Variants in CEP135 observed in about 807,000 individuals in gnomAD.
CEP135 encodes centrosomal protein 135, also known as centrosomal protein of 135 kDa.
A neutral mutation model predicts 157.3 loss-of-function variants in CEP135; 142 were observed. The observed-to-expected ratio is 0.90, with a 90% CI of 0.79 to 1.04. CEP135 has a LOEUF of 1.04. Ranked by LOEUF, CEP135 falls within the 50% of genes least tolerant of loss-of-function variation. The pLI, the probability that CEP135 is intolerant of heterozygous loss-of-function variation, is 0.00. For synonymous variants in CEP135, 396 were observed against 439.8 expected (o/e 0.90, Z 1.25); for missense variants, 1,317 against 1,309.2 (o/e 1.01, Z -0.09).
intron 6 of CEP135, among the ~76,000 whole-genome samples, chr4:55,962,251 C>G (rs960023521): frequency 6.6e-6 from 1 of 152,144 alleles, no homozygotes; most frequent in Non-Finnish European, 1.5e-5. Flanking sequence ...AGGCACCCAC[C>G]ACCACACCCG....
At chr4:56,017,977 T>G (rs559246234) in intron 22 of CEP135, 120 bp downstream of exon 22, 28 of 869,854 alleles carry the variant, frequency 3.2e-5, no homozygotes, top group Admixed American at 1.5e-4. Context: ...ACTTTTTTTT[T>G]TGTGATGGAG....
At chr4:55,950,574 C>G (rs1728333205) in intron 1 of CEP135, among the ~76,000 whole-genome samples, 1 of 151,252 alleles carries the variant, frequency 6.6e-6, no homozygotes, top group African/African-American at 2.4e-5. Flanking sequence ...ACCTTGAGCT[C>G]AGGAGTTGGA....
At chr4:56,003,530 A>G (rs943196235) in intron 17 of CEP135, among the ~76,000 whole-genome samples, 7 of 151,926 alleles carry the variant, frequency 4.6e-5, no homozygotes, top group South Asian at 2.1e-4. Context: ...TTTCATCTCA[A>G]TTCCATTTAT....
chr4:56,033,009 T>G lies in CEP135; in HGVS notation c.*1661T>G, dbSNP rs1177826382. 6.6e-6 allele frequency: 1 copy of G among 152,110 alleles called. No homozygotes were observed. Among genetic ancestry groups the G allele is most frequent in the Non-Finnish European group, 1.5e-5 (1 of 67,988 alleles). 9.4% of individuals were successfully genotyped at this position (152,110 alleles called of 1,614,324 possible). A position where few individuals can be genotyped will look rare whatever the true frequency, so the allele number is the denominator to read the frequency against. ...TTGTAATTTTATGTATCCCATCTCC[T>G]TTGTGTGAATTCATATATTATAGCA... On this transcript the variant is annotated 3_prime_UTR_variant, in exon 26 of 26. Coordinates refer to ENST00000257287, the MANE Select transcript of CEP135 (RefSeq NM_025009.5).
intron 9 of CEP135, among the ~76,000 whole-genome samples, chr4:55,969,939 C>G (rs1363759347): frequency 6.6e-6 from 1 of 152,020 alleles, no homozygotes; most frequent in East Asian, 1.9e-4. Context: ...ATGGCATGAT[C>G]ATAGCTCCCT....
intron 13 of CEP135, among the ~76,000 whole-genome samples, chr4:55,984,762 G>GT (rs1025487560): frequency 3.3e-5 from 5 of 152,206 alleles, no homozygotes; most frequent in Non-Finnish European, 5.9e-5. Flanking sequence ...CTTAGCAGCA[G>GT]TAAGTTGGAT....
intron 5 of CEP135, among the ~76,000 whole-genome samples, chr4:55,957,852 CACTGTGTAAGTGTTCTGAGGAT>C (rs1366566653): frequency 6.6e-6 from 1 of 152,098 alleles, no homozygotes; most frequent in Admixed American, 6.6e-5. Context: ...CTGGGCAAGG[CACTGTGTAAGTGTTCTGAGGAT>C]ATAAAGATGA....
At chr4:55,949,455 G>A (rs908805488) in intron 1 of CEP135, among the ~76,000 whole-genome samples, 6 of 152,350 alleles carry the variant, frequency 3.9e-5, no homozygotes, top group South Asian at 2.1e-4. Context: ...AGCGTAGGAC[G>A]ACAGCCTTTA....
At chr4:55,962,248 C>T (rs939893738) in intron 6 of CEP135, among the ~76,000 whole-genome samples, 13 of 152,068 alleles carry the variant, frequency 8.5e-5, no homozygotes, top group African/African-American at 3.1e-4. Flanking sequence ...TACAGGCACC[C>T]ACCACCACAC....
intron 13 of CEP135, among the ~76,000 whole-genome samples, chr4:55,984,066 C>G (rs1017240390): frequency 6.6e-6 from 1 of 152,174 alleles, no homozygotes; most frequent in Non-Finnish European, 1.5e-5. Flanking sequence ...TCTCTTAAAT[C>G]GATATTTCAC....
chr4:55,998,930 C>G (rs1159267508), intron 15 of CEP135, among the ~76,000 whole-genome samples: 4 of 152,094 alleles, frequency 2.6e-5, no homozygotes, highest in African/African-American at 9.7e-5. Flanking sequence ...CTTTGAAATG[C>G]CAGGTCATAC....
At chr4:55,980,007 A>G in intron 11 of CEP135, 136 bp from the exon 12 acceptor site, 1 of 729,002 alleles carries the variant, frequency 1.4e-6, no homozygotes, top group Non-Finnish European at 2.3e-6. Flanking sequence ...TAGATTTTTA[A>G]AACTGTGTTC....
chr4:55,983,826 A>T lies in CEP135; in HGVS notation c.1780-1455A>T, dbSNP rs182196141. 2.7e-3 allele frequency among the ~76,000 whole-genome samples: 415 copies of T among 152,226 alleles called. 5 individuals carry two copies. Among genetic ancestry groups the T allele is most frequent in the Middle Eastern group, 0.014 (4 of 294 alleles). ...TGAGCCACCATGCCCGACCTGTAAT[A>T]GCCTTTTTTAATAGGTACTGCTTAC... On this transcript the variant is annotated intron_variant, in intron 13 of 25. Transcript: ENST00000257287.
chr4:56,024,391 A>G, intron 24 of CEP135, 110 bp from the exon 25 acceptor site: 2 of 670,020 alleles, frequency 3.0e-6, no homozygotes, highest in Non-Finnish European at 5.2e-6. Flanking sequence ...ATTTAATAGT[A>G]ATACTAAGTA....
At chr4:55,981,832 T>A (rs1729420805) in intron 13 of CEP135, among the ~76,000 whole-genome samples, 1 of 152,164 alleles carries the variant, frequency 6.6e-6, no homozygotes, top group Non-Finnish European at 1.5e-5. Context: ...TACATTCCAA[T>A]AAACCCATCA....
intron 4 of CEP135, among the ~76,000 whole-genome samples, chr4:55,955,197 G>A (rs901125047): frequency 1.3e-5 from 2 of 152,162 alleles, no homozygotes; most frequent in African/African-American, 4.8e-5. Context: ...CTGAACCATG[G>A]GATCAAGATT....
At chr4:55,995,091 A>C (rs985092249) in intron 15 of CEP135, among the ~76,000 whole-genome samples, 2 of 152,204 alleles carry the variant, frequency 1.3e-5, no homozygotes, top group African/African-American at 4.8e-5. Context: ...TTAAAGTTAA[A>C]TTACTGTCAT....
rs1205413993 is a variant in CEP135 at position 56,008,320 on chromosome 4, T to G, written c.2281-7T>G. 7 of 1,602,980 alleles carry G rather than the reference T, an allele frequency of 4.4e-6. 1 individual carries two copies. The Admixed American group carries it at 1.2e-4, about 27-fold the overall frequency. On this transcript the variant is annotated splice_region_variant and splice_polypyrimidine_tract_variant and intron_variant, in intron 17 of 25. Coordinates refer to ENST00000257287, the MANE Select transcript of CEP135 (RefSeq NM_025009.5). The stretch of plus-strand genomic sequence containing the variant: ...TAAAATCTTACACATTTTTGTAATT[T>G]CTATAGGAAAAAGCTGTTGCTCAAA...
chr4:56,029,423 C>T (rs1419422868), intron 25 of CEP135, among the ~76,000 whole-genome samples: 1 of 152,144 alleles, frequency 6.6e-6, no homozygotes, highest in Admixed American at 6.6e-5. Flanking sequence ...ATTTAGTGGC[C>T]TCTAGCCACC....
Sources: allele counts gnomAD v4.1 joint callset (sites outside exome capture counted in the v4.1 genomes callset), GRCh38; gene constraint gnomAD v4.1.1; transcripts MANE v1.5; gene names NCBI Gene and HGNC (gene_info 2026-07-23, HGNC 2026-07-21).